Variants in MTAP observed in about 807,000 individuals in gnomAD.
The protein encoded by MTAP is methylthioadenosine phosphorylase.
Under a neutral mutation model 33.6 loss-of-function variants are expected in MTAP, and 33 were observed. The observed-to-expected ratio is 0.98, with a 90% CI of 0.74 to 1.31. The LOEUF (loss-of-function observed/expected upper bound fraction) is 1.31. Among genes scored for constraint, MTAP ranks in the 40% most tolerant of loss-of-function variants. MTAP has a pLI of 0.00. For synonymous variants in MTAP, 148 were observed against 125.7 expected (o/e 1.18, Z -1.19); for missense variants, 367 against 360.0 (o/e 1.02, Z -0.16).
intron 4 of MTAP, among the ~76,000 whole-genome samples, chr9:21,829,044 C>G (rs1824895471): frequency 6.6e-6 from 1 of 152,146 alleles, no homozygotes; most frequent in African/African-American, 2.4e-5. Flanking sequence ...GCAGAAGATG[C>G]CTTGTGGTTA....
At chr9:21,830,163 G>T (rs138054253) in intron 4 of MTAP, among the ~76,000 whole-genome samples, 738 of 152,294 alleles carry the variant, frequency 4.8e-3, no homozygotes, top group Non-Finnish European at 8.1e-3. Flanking sequence ...TCCATAGAAA[G>T]CAACATATAT....
At chr9:21,884,829 T>C (rs1249047248) in intron 1 of MTAP, among the ~76,000 whole-genome samples, 4 of 152,186 alleles carry the variant, frequency 2.6e-5, no homozygotes, top group East Asian at 1.9e-4. Flanking sequence ...CCATGTAGTC[T>C]ATAAAATTGC....
chr9:21,829,001 T>G (rs1031190082), intron 4 of MTAP, among the ~76,000 whole-genome samples: 1 of 152,220 alleles, frequency 6.6e-6, no homozygotes, highest in African/African-American at 2.4e-5. Flanking sequence ...GCCTTGCATA[T>G]ATATCATTCA....
chr9:21,811,752 C>T lies in MTAP; in HGVS notation c.34-3681C>T, dbSNP rs569699385. 35 of 530,950 alleles carry T rather than the reference C, an allele frequency of 6.6e-5. No homozygotes were observed. The East Asian group carries it at 1.0e-3, about 16-fold the overall frequency. 32.9% of individuals were successfully genotyped at this position (530,950 alleles called of 1,614,324 possible). ...GTGAATTCCATCTCATCCATGCCCTCGCCCGTGTACCAGTACAGGAAAGCT... is the reference window on the plus strand; with the variant it reads ...GTGAATTCCATCTCATCCATGCCCTTGCCCGTGTACCAGTACAGGAAAGCT... On this transcript the variant is annotated intron_variant, in intron 1 of 7. Transcript: ENST00000644715.
chr9:21,854,947 A>G (rs1033979843), intron 6 of MTAP, 77 bp downstream of exon 6: 21 of 1,531,604 alleles, frequency 1.4e-5, no homozygotes, highest in African/African-American at 8.3e-5. Context: ...GTTTGTTTCT[A>G]TTACGTTAGT....
chr9:21,941,021 G>A (rs1267084282), downstream of MTAP: 16 of 983,448 alleles, frequency 1.6e-5, no homozygotes, highest in Non-Finnish European at 1.9e-5. Context: ...ATATTTGCAT[G>A]AAATCATGAC....
chr9:21,924,904 A>G (rs558636563), intron 1 of MTAP, among the ~76,000 whole-genome samples: 7 of 152,364 alleles, frequency 4.6e-5, no homozygotes, highest in South Asian at 2.1e-4. Flanking sequence ...AGGGTTCCAT[A>G]AACTGGGCTT....
At chr9:21,870,945 A>G (rs1046020185), downstream of MTAP, among the ~76,000 whole-genome samples, 1 of 151,462 alleles carries the variant, frequency 6.6e-6, no homozygotes, top group Admixed American at 6.6e-5. Context: ...TAATTTTTAT[A>G]TTTTCAGTAG....
At chr9:21,900,194 C>G (rs1818367402) in intron 1 of MTAP, among the ~76,000 whole-genome samples, 1 of 152,090 alleles carries the variant, frequency 6.6e-6, no homozygotes, top group African/African-American at 2.4e-5. Flanking sequence ...CCTAATTAAA[C>G]TAAAGATCTT....
intron 4 of MTAP, among the ~76,000 whole-genome samples, chr9:21,825,710 ATACAGCCATTGT>A (rs1824777579): frequency 6.6e-6 from 1 of 152,214 alleles, no homozygotes; most frequent in African/African-American, 2.4e-5. Context: ...GTGTGTTGAT[ATACAGCCATTGT>A]CCCAGATACT....
chr9:21,855,442 A>G (rs970898500), intron 6 of MTAP, among the ~76,000 whole-genome samples: 2 of 152,236 alleles, frequency 1.3e-5, no homozygotes, highest in African/African-American at 2.4e-5. Flanking sequence ...TCAACTGAAT[A>G]GAGTTGACCA....
chr9:21,845,245 C>T (rs1825349620), intron 5 of MTAP, among the ~76,000 whole-genome samples: 1 of 152,120 alleles, frequency 6.6e-6, no homozygotes, highest in Admixed American at 6.6e-5. Flanking sequence ...CAAACTGTTG[C>T]TGTTCACCAA....
chr9:21,803,378 T>G, intron 1 of MTAP: 1 of 157,890 alleles, frequency 6.3e-6, no homozygotes, highest in East Asian at 1.8e-4. Context: ...AGCAGCGTAA[T>G]ACTGTAAGAA....
intron 1 of MTAP, among the ~76,000 whole-genome samples, chr9:21,900,283 T>C (rs765565191): frequency 1.3e-5 from 2 of 152,098 alleles, no homozygotes; most frequent in Non-Finnish European, 2.9e-5. Flanking sequence ...GCTATGCAAC[T>C]GACTCTAATA....
intron 5 of MTAP, among the ~76,000 whole-genome samples, chr9:21,849,424 A>G (rs553614341): frequency 1.3e-5 from 2 of 152,292 alleles, no homozygotes; most frequent in African/African-American, 4.8e-5. Flanking sequence ...ATGGAGTTTT[A>G]GCTCAGGTCT....
Position 21,864,546 on chromosome 9 carries a change from G to T in MTAP, c.*2532G>T, listed in dbSNP as rs1346541903. 2.0e-6 allele frequency: 2 copies of T among 985,302 alleles called. No homozygotes were observed. The highest frequency in any genetic ancestry group is 2.3e-4 in the East Asian group (2 of 8,822). 61.0% of individuals were successfully genotyped at this position (985,302 alleles called of 1,614,324 possible). A position where few individuals can be genotyped will look rare whatever the true frequency, so the allele number is the denominator to read the frequency against. On this transcript the variant is annotated 3_prime_UTR_variant, in exon 8 of 8. Coordinates refer to ENST00000644715, the MANE Select transcript of MTAP (RefSeq NM_002451.4). ...ATAATCTGCTGTTATATTTGGCATG[G>T]ATTTTCATGGTTTTGAGAATGACAT... is the stretch of plus-strand genomic sequence containing the variant.
chr9:21,804,518 G>C (rs575469622), intron 1 of MTAP, among the ~76,000 whole-genome samples: 29 of 152,264 alleles, frequency 1.9e-4, no homozygotes, highest in Admixed American at 2.6e-4. Flanking sequence ...AAAATTAAGA[G>C]GTACATATGG....
rs916720678 is a variant in MTAP at position 21,866,680 on chromosome 9, T to A, written c.*4666T>A. The A allele has an allele frequency of 6.6e-6, 1 of 152,176 alleles. No individual in the cohort carries two copies. Among genetic ancestry groups the A allele is most frequent in the Non-Finnish European group, 1.5e-5 (1 of 68,016 alleles). The allele number at this position is 152,176 out of a possible 1,614,324, so 9.4% of individuals were successfully genotyped here. On this transcript the variant is annotated 3_prime_UTR_variant, in exon 8 of 8. Transcript: ENST00000644715. ...CTTGAAATTAAGTATTGTTAAGCTT[T>A]GCAATCTTTTCCAAGATTGTTTTGG... is the stretch of plus-strand genomic sequence containing the variant.
chr9:21,882,582 CAGAG>C (rs1295409930), intron 1 of MTAP, among the ~76,000 whole-genome samples: 2 of 151,870 alleles, frequency 1.3e-5, no homozygotes, highest in African/African-American at 2.4e-5. Context: ...ATGTGTCAGA[CAGAG>C]AGCTTAAGGT....
Sources: gnomAD v4.1 joint callset for allele counts (sites outside exome capture counted in the v4.1 genomes callset) on GRCh38, gnomAD v4.1.1 for gene constraint, MANE v1.5 for transcripts, NCBI Gene and HGNC (gene_info 2026-07-23, HGNC 2026-07-21) for gene names.